ADAM15: variants seen among roughly 807,000 people sequenced by gnomAD.
The protein encoded by ADAM15 is disintegrin and metalloproteinase domain-containing protein 15.
ADAM15 carries 77 observed loss-of-function variants against 113.8 expected under a neutral mutation model. That is an observed-to-expected ratio of 0.68 (90% CI 0.56 to 0.82). The LOEUF (loss-of-function observed/expected upper bound fraction) is 0.82. Ranked by LOEUF, ADAM15 falls within the 40% of genes least tolerant of loss-of-function variation. The probability of loss-of-function intolerance (pLI) is 0.00; values close to 1 mark genes in which losing one functional copy is unlikely to be tolerated. For missense variants in ADAM15, 963 were observed against 1,120.1 expected (o/e 0.86, Z 2.00); for synonymous variants, 388 against 454.1 (o/e 0.85, Z 1.85).
At chr1:155,061,804 G>A in intron 20 of ADAM15, 100 bp from the exon 21 acceptor site, 1 of 1,288,974 alleles carries the variant, frequency 7.8e-7, no homozygotes, top group Non-Finnish European at 1.1e-6. Context: ...CTGCCCCCTG[G>A]CTGACTTTGC....
At position 155,057,015 on chromosome 1, in the gene ADAM15, G is replaced by C. The variant is rs1049010288; in HGVS notation, c.1062G>C (p.Leu354=). 2 of 1,606,854 alleles carry C rather than the reference G, an allele frequency of 1.2e-6. No homozygotes were observed. Among genetic ancestry groups the C allele is most frequent in the African/African-American group, 2.7e-5 (2 of 74,682 alleles). Residue 354 remains leucine (L), a synonymous_variant, in exon 11 of 23, where the codon CTG becomes CTC. Transcript: ENST00000356955. The surrounding 1 kb of genome is among the most constrained non-coding windows in gnomAD (Gnocchi z 5.0). ...TAGCCCATGAGTTGGGCCACAGCCT[G>C]GGCCTGGACCATGATTTGCCTGGGA... ...SSIAHELGHS[L]GLDHDLPGNS...
At position 155,058,686 on chromosome 1, in the gene ADAM15, C is replaced by T; in HGVS notation, c.1918-24C>T. ...ATTAAAGCTTTGTGGGAATCTGATC[C>T]AGGCTCTTCTCTCCCTGGGTCAGGT... is the stretch of plus-strand genomic sequence containing the variant. On this transcript the variant is annotated intron_variant, in intron 15 of 22. Coordinates refer to ENST00000356955, the MANE Select transcript of ADAM15 (RefSeq NM_207197.3). The surrounding 1 kb of genome is among the most constrained non-coding windows in gnomAD (Gnocchi z 4.3). 2 of 1,609,342 alleles carry T rather than the reference C, an allele frequency of 1.2e-6. No individual in the cohort carries two copies. The highest frequency in any genetic ancestry group is 1.7e-6 in the Non-Finnish European group (2 of 1,177,706).
At position 155,062,542 on chromosome 1, in the gene ADAM15, G is replaced by C. The variant is rs374542444; in HGVS notation, c.*40G>C. On this transcript the variant is annotated 3_prime_UTR_variant, in exon 23 of 23. Transcript: ENST00000356955. The surrounding 1 kb of genome is among the most constrained non-coding windows in gnomAD (Gnocchi z 7.0). ...CCGCTGCCTCCAAGCCGGACTTAGG[G>C]CTTCAAGAGGCGGGCGTGCCCTCTG... 1 of 1,606,244 alleles carries C rather than the reference G, an allele frequency of 6.2e-7. No individual in the cohort carries two copies. The highest frequency in any genetic ancestry group is 8.5e-7 in the Non-Finnish European group (1 of 1,176,818).
chr1:155,057,663 T>C lies in ADAM15; in HGVS notation c.1350T>C (p.Ser450=), dbSNP rs2102408458. The change falls in exon 13 of 23, where the codon TCT becomes TCC. Residue 450 remains serine, a synonymous_variant. Transcript: ENST00000356955. This position sits in a 1 kb window ranked among gnomAD's most constrained non-coding sequence, Gnocchi z 5.0. ...LDDCVDPCCD[S]LTCQLRPGAQ... ...ACTGCGTCGATCCCTGCTGTGATTCTTTGACCTGCCAGCTGAGGCCAGGTG... is the reference window on the plus strand; with the variant it reads ...ACTGCGTCGATCCCTGCTGTGATTCCTTGACCTGCCAGCTGAGGCCAGGTG... 1.2e-6 allele frequency: 2 copies of C among 1,614,218 alleles called. No individual in the cohort carries two copies. The highest frequency in any genetic ancestry group is 1.7e-6 in the Non-Finnish European group (2 of 1,180,046).
At chr1:155,051,505 GA>G in intron 1 of ADAM15, 40 bp downstream of exon 1, 1 of 1,490,932 alleles carries the variant, frequency 6.7e-7, no homozygotes, top group South Asian at 1.3e-5. Context: ...GGCGGACTGG[GA>G]GGGAGGTGCA....
intron 6 of ADAM15, 80 bp downstream of exon 6, chr1:155,054,586 T>C (rs1661515785): frequency 2.6e-5 from 36 of 1,405,400 alleles, no homozygotes; most frequent in Admixed American, 7.8e-5. Flanking sequence ...GTGTGCACAG[T>C]AACAACAGCT....
chr1:155,053,577 T>G, intron 3 of ADAM15, 84 bp downstream of exon 3: 1 of 1,421,984 alleles, frequency 7.0e-7, no homozygotes. Context: ...TAAGTGCTTG[T>G]GCTCATTTAA....
rs1195583368 is a variant in ADAM15 at position 155,058,545 on chromosome 1, C to T, written c.1917+104C>T. ...TCACCAATGTCAAAGGCAGGGACTC[C>T]AAGGGAAGTCAGTTTCTTACTTCAG... On this transcript the variant is annotated intron_variant, in intron 15 of 22. Coordinates refer to ENST00000356955, the MANE Select transcript of ADAM15 (RefSeq NM_207197.3). The surrounding 1 kb of genome is among the most constrained non-coding windows in gnomAD (Gnocchi z 4.3). The T allele has an allele frequency of 6.4e-7, 1 of 1,551,868 alleles. No homozygotes were observed. The highest frequency in any genetic ancestry group is 1.4e-5 in the African/African-American group (1 of 73,388).
Position 155,060,202 on chromosome 1 carries a change from C to T in ADAM15, c.2069-3C>T. ...CTCCCTTAAACCTGACTTCCGCCCACAGCAACCAGCTCCCTGACCACAGGG... is the reference window on the plus strand; with the variant it reads ...CTCCCTTAAACCTGACTTCCGCCCATAGCAACCAGCTCCCTGACCACAGGG... On this transcript the variant is annotated splice_polypyrimidine_tract_variant and splice_region_variant and intron_variant, in intron 17 of 22. Coordinates refer to ENST00000356955, the MANE Select transcript of ADAM15 (RefSeq NM_207197.3). 6.2e-7 allele frequency: 1 copy of T among 1,613,842 alleles called. No individual in the cohort carries two copies.
At chr1:155,053,527 T>G in intron 3 of ADAM15, 34 bp downstream of exon 3, 1 of 1,607,638 alleles carries the variant, frequency 6.2e-7, no homozygotes, top group Non-Finnish European at 8.5e-7. Flanking sequence ...AGTGACCACA[T>G]GGCCAACAAC....
In ADAM15 at chr1:155,055,952, C is replaced by A; in HGVS notation, c.696C>A (p.Phe232Leu). Residue 232 changes from phenylalanine (F) to leucine (L), a missense_variant, in exon 8 of 23, where the codon TTC becomes TTA. Coordinates refer to ENST00000356955, the MANE Select transcript of ADAM15 (RefSeq NM_207197.3). ...TACAGGCCCAGAAATACCGGGACTT[C>A]CAGCACCTGCTAAACCGCACACTGG... ...DHSEAQKYRD[F>L]QHLLNRTLEV... 1 of 1,614,182 alleles carries A rather than the reference C, an allele frequency of 6.2e-7. No homozygotes were observed. Among genetic ancestry groups the A allele is most frequent in the Non-Finnish European group, 8.5e-7 (1 of 1,180,042 alleles).
chr1:155,056,825 G>T lies in ADAM15; in HGVS notation c.1000-128G>T. 1 of 1,344,958 alleles carries T rather than the reference G, an allele frequency of 7.4e-7. No homozygotes were observed. Among genetic ancestry groups the T allele is most frequent in the Non-Finnish European group, 1.0e-6 (1 of 985,736 alleles). The allele number at this position is 1,344,958 out of a possible 1,614,324, so 83.3% of individuals were successfully genotyped here. ...TTCTCCTACTTTAGAAGCAATTCAG[G>T]AGGGAAGCAGTGCCTGCTGAGTGCC... On this transcript the variant is annotated intron_variant, in intron 10 of 22. Coordinates refer to ENST00000356955, the MANE Select transcript of ADAM15 (RefSeq NM_207197.3). This position sits in a 1 kb window ranked among gnomAD's most constrained non-coding sequence, Gnocchi z 4.0.
chr1:155,054,684 A>G (rs1344877222), intron 6 of ADAM15, among the ~76,000 whole-genome samples, 178 bp downstream of exon 6: 1 of 152,142 alleles, frequency 6.6e-6, no homozygotes, highest in Non-Finnish European at 1.5e-5. Flanking sequence ...AGGTGCTATC[A>G]ATAGCTCTAT....
In ADAM15 at chr1:155,062,234, C is replaced by T; in HGVS notation, c.2425-11C>T. 1 of 1,448,096 alleles carries T rather than the reference C, an allele frequency of 6.9e-7. No homozygotes were observed. Among genetic ancestry groups the T allele is most frequent in the Non-Finnish European group, 9.1e-7 (1 of 1,097,606 alleles). The allele number at this position is 1,448,096 out of a possible 1,614,324, so 89.7% of individuals were successfully genotyped here. On this transcript the variant is annotated splice_polypyrimidine_tract_variant and intron_variant, in intron 21 of 22. Coordinates refer to ENST00000356955, the MANE Select transcript of ADAM15 (RefSeq NM_207197.3). The surrounding 1 kb of genome is among the most constrained non-coding windows in gnomAD (Gnocchi z 7.0). ...CCCACCTAAGCCGGCCTCCTGCCTTCTCTCCCTCAGTCTCAGGGGCCAGCC... is the reference window on the plus strand; with the variant it reads ...CCCACCTAAGCCGGCCTCCTGCCTTTTCTCCCTCAGTCTCAGGGGCCAGCC...
chr1:155,054,040 G>C (rs1271593866), intron 4 of ADAM15, 52 bp downstream of exon 4: 2 of 1,612,846 alleles, frequency 1.2e-6, no homozygotes, highest in Non-Finnish European at 1.7e-6. Flanking sequence ...GAGGGAGGGG[G>C]TGGCTGGAAG....
chr1:155,061,204 C>G (rs940460245), intron 19 of ADAM15: 1 of 587,604 alleles, frequency 1.7e-6, no homozygotes, highest in Non-Finnish European at 3.0e-6. Flanking sequence ...GTGAGCATCC[C>G]CACCCTGAGC....
At position 155,062,553 on chromosome 1, in the gene ADAM15, C is replaced by T. The variant is rs780417758; in HGVS notation, c.*51C>T. The T allele has an allele frequency of 1.4e-5, 23 of 1,598,204 alleles. No homozygotes were observed. The African/African-American group carries it at 2.5e-4, about 18-fold the overall frequency. On this transcript the variant is annotated 3_prime_UTR_variant, in exon 23 of 23. Transcript: ENST00000356955. This position sits in a 1 kb window ranked among gnomAD's most constrained non-coding sequence, Gnocchi z 7.0. ...AAGCCGGACTTAGGGCTTCAAGAGGCGGGCGTGCCCTCTGGAGTCCCCTAC... is the reference window on the plus strand; with the variant it reads ...AAGCCGGACTTAGGGCTTCAAGAGGTGGGCGTGCCCTCTGGAGTCCCCTAC...
intron 6 of ADAM15, 73 bp from the exon 7 acceptor site, chr1:155,055,717 C>T: frequency 6.4e-7 from 1 of 1,555,214 alleles, no homozygotes; most frequent in Admixed American, 1.7e-5. Context: ...GAGTGGCTGC[C>T]TCTTGGTCAG....
In ADAM15 at chr1:155,056,731, G is replaced by C. The variant is rs1484383826; in HGVS notation, c.1000-222G>C. Among the ~76,000 whole-genome samples the C allele has an allele frequency of 6.6e-6, 1 of 152,184 alleles. No homozygotes were observed. The highest frequency in any genetic ancestry group is 1.5e-5 in the Non-Finnish European group (1 of 68,032). On this transcript the variant is annotated intron_variant, in intron 10 of 22. Coordinates refer to ENST00000356955, the MANE Select transcript of ADAM15 (RefSeq NM_207197.3). The surrounding 1 kb of genome is among the most constrained non-coding windows in gnomAD (Gnocchi z 4.0). The stretch of plus-strand genomic sequence containing the variant: ...CAGCTAAGGCCCAAAGAACAGAGGT[G>C]ATCTCCCTCCAGTGAGGGAGGGGGA...
Sources: gnomAD v4.1 joint callset for allele counts (sites outside exome capture counted in the v4.1 genomes callset) on GRCh38, gnomAD v4.1.1 for gene constraint, Gnocchi (gnomAD v3.1) non-coding constraint, MANE v1.5 for transcripts, NCBI Gene and HGNC (gene_info 2026-07-23, HGNC 2026-07-21) for gene names.